Variants in ZNF444 observed in about 807,000 individuals in gnomAD.
The protein encoded by ZNF444 is zinc finger protein 444.
Under a neutral mutation model 14.4 loss-of-function variants are expected in ZNF444, and 8 were observed. That is an observed-to-expected ratio of 0.56 (90% CI 0.33 to 1.00). The LOEUF is 1.00. Ranked by LOEUF, ZNF444 falls within the 50% of genes least tolerant of loss-of-function variation. ZNF444 has a pLI of 0.03. For missense variants in ZNF444, 510 were observed against 504.8 expected (o/e 1.01, Z -0.10); for synonymous variants, 258 against 235.9 (o/e 1.09, Z -0.86).
In ZNF444 at chr19:56,158,186, C is replaced by T. The variant is rs143632010; in HGVS notation, c.298-308C>T. On this transcript the variant is annotated intron_variant, in intron 3 of 4. Transcript: ENST00000337080. ...TCAGCTCAGAAAGCCTCTGTGGGTCCGGAGTCTGTGAGTGGCTTGGGCACG... is the reference window on the plus strand; with the variant it reads ...TCAGCTCAGAAAGCCTCTGTGGGTCTGGAGTCTGTGAGTGGCTTGGGCACG... 4.2e-3 allele frequency: 1,096 copies of T among 259,428 alleles called. 11 individuals carry two copies. Among genetic ancestry groups the T allele is most frequent in the African/African-American group, 0.021 (944 of 44,926 alleles). The allele number at this position is 259,428 out of a possible 1,614,324, so 16.1% of individuals were successfully genotyped here.
In ZNF444 at chr19:56,160,547, C is replaced by A. The variant is rs1158993321; in HGVS notation, c.*346C>A. 2 of 287,634 alleles carry A rather than the reference C, an allele frequency of 7.0e-6. No individual in the cohort carries two copies. The highest frequency in any genetic ancestry group is 2.2e-5 in the African/African-American group (1 of 45,224). The allele number at this position is 287,634 out of a possible 1,614,324, so 17.8% of individuals were successfully genotyped here. On this transcript the variant is annotated 3_prime_UTR_variant, in exon 5 of 5. Transcript: ENST00000337080. Reference sequence around the variant, plus strand: ...CCCTCCTCCATTCCTCTCTCCCTGCCCTTTTCCTGCCTGAAGAGCAGAGGT... The same window carrying A: ...CCCTCCTCCATTCCTCTCTCCCTGCACTTTTCCTGCCTGAAGAGCAGAGGT...
intron 3 of ZNF444, chr19:56,150,068 G>C: frequency 6.1e-6 from 1 of 163,330 alleles, no homozygotes; most frequent in South Asian, 1.6e-4. Context: ...AAGTGGGGGT[G>C]GAACAGAACC....
intron 1 of ZNF444, among the ~76,000 whole-genome samples, chr19:56,135,021 G>A (rs902040130): frequency 2.2e-4 from 34 of 151,968 alleles, no homozygotes; most frequent in Non-Finnish European, 1.0e-4. Context: ...CACGAGGTCA[G>A]GAGATCGAGA....
intron 1 of ZNF444, chr19:56,142,139 A>G (rs898039273): frequency 1.6e-4 from 24 of 152,132 alleles, no homozygotes; most frequent in African/African-American, 5.8e-4. Context: ...TAGTATTTTA[A>G]TCTGCGTGCG....
At chr19:56,138,083 C>A (rs1241316516), upstream of ZNF444, among the ~76,000 whole-genome samples, 1 of 151,468 alleles carries the variant, frequency 6.6e-6, no homozygotes, top group East Asian at 2.0e-4. Context: ...GAGATGGAAC[C>A]ATTGCACTCC....
chr19:56,142,864 G>A (rs904523433), intron 1 of ZNF444, among the ~76,000 whole-genome samples: 3 of 152,164 alleles, frequency 2.0e-5, no homozygotes, highest in African/African-American at 7.2e-5. Flanking sequence ...CTGGTGCCGG[G>A]GTACTAGGTG....
chr19:56,134,446 G>A (rs1448424959), intron 1 of ZNF444, among the ~76,000 whole-genome samples: 2 of 152,108 alleles, frequency 1.3e-5, no homozygotes, highest in Non-Finnish European at 2.9e-5. Context: ...TTGCTGAGTC[G>A]CTCAGCATGA....
chr19:56,146,611 G>A (rs1306121403), intron 2 of ZNF444, among the ~76,000 whole-genome samples, 191 bp downstream of exon 2: 1 of 152,134 alleles, frequency 6.6e-6, no homozygotes, highest in African/African-American at 2.4e-5. Flanking sequence ...CCAACATGGT[G>A]AAACCCCATC....
chr19:56,148,493 GCCTT>G (rs1358685505), intron 3 of ZNF444, among the ~76,000 whole-genome samples: 2 of 152,274 alleles, frequency 1.3e-5, no homozygotes, highest in African/African-American at 4.8e-5. Flanking sequence ...CAGCCGGGCG[GCCTT>G]CCTTCCTTCC....
In ZNF444 at chr19:56,159,634, C is replaced by T; in HGVS notation, c.417C>T (p.Ala139=). The T allele has an allele frequency of 6.9e-7, 1 of 1,446,524 alleles. No homozygotes were observed. Among genetic ancestry groups the T allele is most frequent in the South Asian group, 1.4e-5 (1 of 71,386 alleles). The allele number at this position is 1,446,524 out of a possible 1,614,324, so 89.6% of individuals were successfully genotyped here. A position where few individuals can be genotyped will look rare whatever the true frequency, so the allele number is the denominator to read the frequency against. ...DSGMIPLAGT[A]PGAEGPAPGD... ...TCTTTCTTTTCCCAGCAGGCACCGCCCCTGGGGCTGAGGGGCCGGCGCCTG... is the reference window on the plus strand; with the variant it reads ...TCTTTCTTTTCCCAGCAGGCACCGCTCCTGGGGCTGAGGGGCCGGCGCCTG... Residue 139 remains alanine, a synonymous_variant, in exon 5 of 5, where the codon GCC becomes GCT. Coordinates refer to ENST00000337080, the MANE Select transcript of ZNF444 (RefSeq NM_018337.4).
At chr19:56,143,452 G>A (rs141972097) in intron 1 of ZNF444, 107 of 152,346 alleles carry the variant, frequency 7.0e-4, no homozygotes, top group African/African-American at 2.5e-3. Context: ...TCTGGCCTGG[G>A]TCTTCCGATA....
At chr19:56,149,150 C>T (rs28581379) in intron 3 of ZNF444, among the ~76,000 whole-genome samples, 8 of 103,512 alleles carry the variant, frequency 7.7e-5, no homozygotes, top group Non-Finnish European at 1.3e-4. Flanking sequence ...ATCACTCCTC[C>T]GACCTTGACC....
chr19:56,134,899 G>A (rs967705479), intron 1 of ZNF444, among the ~76,000 whole-genome samples: 1 of 151,808 alleles, frequency 6.6e-6, no homozygotes, highest in African/African-American at 2.4e-5. Context: ...GGAGGATCTC[G>A]TGAGGCCAGG....
chr19:56,159,908 G>A lies in ZNF444; in HGVS notation c.691G>A (p.Gly231Ser). 2 of 1,375,870 alleles carry A rather than the reference G, an allele frequency of 1.5e-6. No homozygotes were observed. The highest frequency in any genetic ancestry group is 2.6e-5 in the East Asian group (1 of 38,482). 85.2% of individuals were successfully genotyped at this position (1,375,870 alleles called of 1,614,324 possible). The change falls in exon 5 of 5, where the codon GGC becomes AGC. Residue 231 changes from glycine (G) to serine (S), a missense_variant. Physicochemically the swap from Gly to Ser is moderately conservative, Grantham distance 56 (BLOSUM62 0). Coordinates refer to ENST00000337080, the MANE Select transcript of ZNF444 (RefSeq NM_018337.4). ...HLRRHRDTHP[G>S]SPGSPGPALR... ...GCGGCGCCACCGCGACACGCACCCC[G>A]GCAGCCCCGGCAGCCCCGGGCCCGC... is the stretch of plus-strand genomic sequence containing the variant.
intron 3 of ZNF444, among the ~76,000 whole-genome samples, chr19:56,148,755 C>A (rs936130822): frequency 3.9e-5 from 6 of 152,060 alleles, no homozygotes; most frequent in Non-Finnish European, 7.4e-5. Flanking sequence ...ACAAACGCAG[C>A]GGCTTAGAAA....
chr19:56,158,717 TGAG>T (rs1820256177), intron 4 of ZNF444, 115 bp downstream of exon 4: 2 of 982,952 alleles, frequency 2.0e-6, no homozygotes, highest in East Asian at 3.0e-5. Context: ...CCCCAGCCCT[TGAG>T]GAGCCCCGGG....
chr19:56,151,974 G>A, intron 3 of ZNF444: 2 of 454,486 alleles, frequency 4.4e-6, no homozygotes, highest in Middle Eastern at 6.6e-4. Context: ...ATGAGAAGGA[G>A]AGGACAGCCG....
chr19:56,142,548 G>A (rs1411858708), intron 1 of ZNF444, among the ~76,000 whole-genome samples: 1 of 152,182 alleles, frequency 6.6e-6, no homozygotes, highest in Non-Finnish European at 1.5e-5. Context: ...GACATCGTAT[G>A]TTGCACAGGA....
rs1233687325 is a variant in ZNF444, at chr19:56,160,489, C to T, written c.*288C>T. The T allele has an allele frequency of 7.5e-6, 3 of 398,964 alleles. No individual in the cohort carries two copies. Among genetic ancestry groups the T allele is most frequent in the Non-Finnish European group, 8.9e-6 (2 of 224,802 alleles). The allele number at this position is 398,964 out of a possible 1,614,324, so 24.7% of individuals were successfully genotyped here. A position where few individuals can be genotyped will look rare whatever the true frequency, so the allele number is the denominator to read the frequency against. ...TCTCCCTAATGTCTCCTCCTTCCCC[C>T]CTCTTCTCTCTCCTGCGGCCCAGCC... On this transcript the variant is annotated 3_prime_UTR_variant, in exon 5 of 5. Coordinates refer to ENST00000337080, the MANE Select transcript of ZNF444 (RefSeq NM_018337.4).
Sources: gnomAD v4.1 joint callset for allele counts (sites outside exome capture counted in the v4.1 genomes callset) on GRCh38, gnomAD v4.1.1 for gene constraint, MANE v1.5 for transcripts, NCBI Gene and HGNC (gene_info 2026-07-23, HGNC 2026-07-21) for gene names.